PRELID2: variants seen among roughly 807,000 people sequenced by gnomAD.
PRELID2 encodes the protein PRELI domain-containing protein 2.
Under a neutral mutation model 28.4 loss-of-function variants are expected in PRELID2, and 25 were observed. The observed-to-expected ratio is 0.88, with a 90% CI of 0.64 to 1.23. PRELID2 has a LOEUF of 1.23. PRELID2 is among the 50% of genes most tolerant of loss of function. The pLI, the probability that PRELID2 is intolerant of heterozygous loss-of-function variation, is 0.00. For missense variants in PRELID2, 201 were observed against 214.4 expected, an observed-to-expected ratio of 0.94 and a Z score of 0.39; for synonymous variants, 76 against 71.6, an observed-to-expected ratio of 1.06 and a Z score of -0.31.
intron 5 of PRELID2, among the ~76,000 whole-genome samples, chr5:145,789,819 G>A (rs1354309916): frequency 1.3e-5 from 2 of 152,018 alleles, no homozygotes; most frequent in African/African-American, 4.8e-5. Flanking sequence ...ACCCAATTAA[G>A]AAATGGGCAA....
At chr5:145,327,278 G>T in the PRELID2 span, among the ~76,000 whole-genome samples, 1 of 151,966 alleles carries the variant, frequency 6.6e-6, no homozygotes, top group Admixed American at 6.5e-5. Flanking sequence ...GTGAATATTT[G>T]CTTTGTACAT....
chr5:145,699,330 T>C (rs1755354961), intron 1 of PRELID2, among the ~76,000 whole-genome samples: 1 of 152,122 alleles, frequency 6.6e-6, no homozygotes, highest in Admixed American at 6.6e-5. Context: ...GGGACCAGTG[T>C]ATAATACCTA....
chr5:145,820,598 T>C (rs1171730401), intron 2 of PRELID2, among the ~76,000 whole-genome samples: 1 of 152,144 alleles, frequency 6.6e-6, no homozygotes, highest in African/African-American at 2.4e-5. Context: ...TTAATTATAT[T>C]AGCCACATTT....
At chr5:145,754,312 C>T (rs1757201047), downstream of PRELID2, 1 of 152,094 alleles carries the variant, frequency 6.6e-6, no homozygotes, top group Admixed American at 6.6e-5. Context: ...GGCCACAAAC[C>T]TATGTGTTTC....
the PRELID2 span, among the ~76,000 whole-genome samples, chr5:145,390,266 C>T: frequency 9.2e-5 from 14 of 152,092 alleles, no homozygotes; most frequent in Non-Finnish European, 1.8e-4. Flanking sequence ...TTTACATAGG[C>T]CTAGTGTATT....
intron 1 of PRELID2, among the ~76,000 whole-genome samples, chr5:145,671,954 A>G (rs1754715092): frequency 1.3e-5 from 2 of 152,184 alleles, no homozygotes; most frequent in Non-Finnish European, 2.9e-5. Flanking sequence ...AGAAACAAAA[A>G]ATTATAATAA....
chr5:145,542,809 T>A (rs932771901), intron 1 of PRELID2, among the ~76,000 whole-genome samples: 1 of 149,110 alleles, frequency 6.7e-6, no homozygotes, highest in East Asian at 2.0e-4. Context: ...TTTCTTTTAC[T>A]TTCTACCTTT....
chr5:145,255,610 T>C, the PRELID2 span, among the ~76,000 whole-genome samples: 1 of 146,296 alleles, frequency 6.8e-6, no homozygotes, highest in East Asian at 2.0e-4. Context: ...TTGTCTCTAT[T>C]AAAAAAAAAA....
At chr5:145,249,731 T>C in the PRELID2 span, among the ~76,000 whole-genome samples, 1 of 152,164 alleles carries the variant, frequency 6.6e-6, no homozygotes, top group East Asian at 1.9e-4. Flanking sequence ...TATTCTCTAG[T>C]ATTAAGCTCA....
the PRELID2 span, among the ~76,000 whole-genome samples, chr5:145,296,914 G>A: frequency 3.3e-5 from 5 of 152,140 alleles, no homozygotes; most frequent in African/African-American, 1.2e-4. Context: ...TCTCATTGTG[G>A]TTTTGATTTG....
rs70998036 is a variant in PRELID2, at chr5:145,758,994, A to ATTTTTTTTTTTTTTTTT, written c.*1525_*1541dup. On this transcript the variant is annotated 3_prime_UTR_variant, in exon 7 of 7. Transcript: ENST00000683046. ...CCAAGACTCTCCAGTAACGGCCTGA[A>ATTTTTTTTTTTTTTTTT]TTTTTTTTTTTTTTTTTTTTTTTTG... 1.1e-5 allele frequency: 1 copy of ATTTTTTTTTTTTTTTTT among 90,594 alleles called. No individual in the cohort carries two copies. Among genetic ancestry groups the ATTTTTTTTTTTTTTTTT allele is most frequent in the Non-Finnish European group, 2.0e-5 (1 of 51,032 alleles). 5.6% of individuals were successfully genotyped at this position (90,594 alleles called of 1,614,324 possible).
At chr5:145,442,077 C>A in the PRELID2 span, among the ~76,000 whole-genome samples, 394 of 152,202 alleles carry the variant, frequency 2.6e-3, 1 homozygote, top group African/African-American at 9.0e-3. Context: ...TTGATGTCTA[C>A]TTTAATACCA....
intron 5 of PRELID2, among the ~76,000 whole-genome samples, chr5:145,778,045 G>A (rs1229891621): frequency 1.3e-5 from 2 of 152,158 alleles, no homozygotes; most frequent in Admixed American, 1.3e-4. Flanking sequence ...CTGGGGGCGG[G>A]GCTGCCAGTC....
intron 1 of PRELID2, among the ~76,000 whole-genome samples, chr5:145,621,853 T>C (rs1753778639): frequency 6.6e-6 from 1 of 152,128 alleles, no homozygotes; most frequent in Non-Finnish European, 1.5e-5. Context: ...CGGATGTTCA[T>C]AACACAAAGA....
chr5:145,818,197 G>A (rs1009294132), intron 3 of PRELID2, 143 bp from the exon 4 acceptor site: 4 of 822,630 alleles, frequency 4.9e-6, no homozygotes, highest in Non-Finnish European at 5.6e-6. Context: ...GTGGCTGTAC[G>A]TTTTTGATAA....
intron 1 of PRELID2, among the ~76,000 whole-genome samples, chr5:145,571,210 C>T (rs957875985): frequency 6.6e-6 from 1 of 152,228 alleles, no homozygotes; most frequent in Non-Finnish European, 1.5e-5. Context: ...TATCTACTCT[C>T]TTTGTGCCTC....
chr5:145,457,372 AT>A, the PRELID2 span, among the ~76,000 whole-genome samples: 3 of 152,130 alleles, frequency 2.0e-5, no homozygotes. Context: ...ATCTTGGTAA[AT>A]GCTATTCAAC....
chr5:145,594,997 G>A (rs898103411), intron 1 of PRELID2, among the ~76,000 whole-genome samples: 2 of 151,988 alleles, frequency 1.3e-5, no homozygotes, highest in African/African-American at 2.4e-5. Flanking sequence ...GTGTGGTGGC[G>A]GGTGCCTATA....
At chr5:145,496,073 A>G (rs1473938994) in intron 1 of PRELID2, among the ~76,000 whole-genome samples, 10 of 152,234 alleles carry the variant, frequency 6.6e-5, no homozygotes, top group Non-Finnish European at 1.3e-4. Context: ...ATTATATACT[A>G]TAGTAATACT....
Sources: allele counts gnomAD v4.1 joint callset (sites outside exome capture counted in the v4.1 genomes callset), GRCh38; gene constraint gnomAD v4.1.1; transcripts MANE v1.5; gene names NCBI Gene and HGNC (gene_info 2026-07-23, HGNC 2026-07-21).